CDH12: variants seen among roughly 807,000 people sequenced by gnomAD.
CDH12 encodes the protein cadherin-12.
CDH12 carries 41 observed loss-of-function variants against 74.1 expected under a neutral mutation model. The observed-to-expected ratio is 0.55, with a 90% CI of 0.43 to 0.72. The LOEUF is 0.72. Among genes scored for constraint, CDH12 ranks in the 30% least tolerant of loss-of-function variants. CDH12 has a pLI of 0.00. For synonymous variants in CDH12, 399 were observed against 355.0 expected (o/e 1.12, Z -1.39); for missense variants, 945 against 977.2 (o/e 0.97, Z 0.44).
chr5:22,735,341 CAGA>C (rs1256899074), intron 1 of CDH12, among the ~76,000 whole-genome samples: 1 of 151,786 alleles, frequency 6.6e-6, no homozygotes, highest in East Asian at 1.9e-4. Flanking sequence ...GGTTACCCTT[CAGA>C]AGGTCTTACT....
intron 1 of CDH12, among the ~76,000 whole-genome samples, chr5:22,783,291 G>A (rs1415839139): frequency 6.6e-6 from 1 of 151,242 alleles, no homozygotes; most frequent in African/African-American, 2.5e-5. Context: ...AAATACATGA[G>A]ACACACTATC....
intron 3 of CDH12, among the ~76,000 whole-genome samples, chr5:22,346,159 G>A (rs143125394): frequency 0.011 from 1,672 of 149,068 alleles, 34 homozygotes; most frequent in African/African-American, 0.039. Context: ...ATTTTCTTCT[G>A]AAACCAAGAT....
chr5:22,641,832 C>T (rs1367660222), intron 1 of CDH12, among the ~76,000 whole-genome samples: 2 of 152,144 alleles, frequency 1.3e-5, no homozygotes, highest in Non-Finnish European at 2.9e-5. Flanking sequence ...TCTCAGGCTT[C>T]TTTATTGCTA....
At chr5:22,220,190 T>A (rs1380864681) in intron 3 of CDH12, among the ~76,000 whole-genome samples, 1 of 151,772 alleles carries the variant, frequency 6.6e-6, no homozygotes, top group Non-Finnish European at 1.5e-5. Context: ...TTGACATTTG[T>A]AATACAATGG....
intron 3 of CDH12, among the ~76,000 whole-genome samples, chr5:22,253,876 T>C (rs1245415139): frequency 6.6e-6 from 1 of 151,996 alleles, no homozygotes; most frequent in Admixed American, 6.6e-5. Flanking sequence ...GAACAGATTG[T>C]TATTTTAAAG....
intron 3 of CDH12, among the ~76,000 whole-genome samples, chr5:22,339,791 C>A (rs1308323126): frequency 6.6e-6 from 1 of 152,064 alleles, no homozygotes; most frequent in Non-Finnish European, 1.5e-5. Context: ...TGGCCAGTAT[C>A]AGGACATTAA....
chr5:22,374,974 T>TA lies in CDH12; in HGVS notation c.-333+30282dup, dbSNP rs562608204. Among the ~76,000 whole-genome samples the TA allele has an allele frequency of 1.4e-4, 21 of 152,000 alleles. 1 individual carries two copies. The South Asian group carries it at 4.4e-3, about 32-fold the overall frequency. On this transcript the variant is annotated intron_variant, in intron 3 of 14. Coordinates refer to ENST00000382254, the MANE Select transcript of CDH12 (RefSeq NM_004061.5). The stretch of plus-strand genomic sequence containing the variant: ...AAAAATCCTAAAATTTGTATAAAAC[T>TA]ACAAAAGACACCAAATAGTCAAAGC...
At position 22,783,417 on chromosome 5, in the gene CDH12, G is replaced by A. The variant is rs903962977; in HGVS notation, c.-523+69641C>T. 3.3e-5 allele frequency among the ~76,000 whole-genome samples: 5 copies of A among 152,104 alleles called. No individual in the cohort carries two copies. The East Asian group carries it at 7.7e-4, about 24-fold the overall frequency. ...GGCTCACACTGGCTTTAATAAACCC[G>A]GTAGAAAATGGAGTTAGAATAGACT... is the stretch of plus-strand genomic sequence containing the variant. On this transcript the variant is annotated intron_variant, in intron 1 of 14. Coordinates refer to ENST00000382254, the MANE Select transcript of CDH12 (RefSeq NM_004061.5).
chr5:22,507,038 C>A (rs1350087977), intron 1 of CDH12, among the ~76,000 whole-genome samples: 1 of 152,040 alleles, frequency 6.6e-6, no homozygotes, highest in Non-Finnish European at 1.5e-5. Flanking sequence ...GTTTATGATG[C>A]CTGATTCTGA....
chr5:22,563,447 G>T (rs1203017972), intron 1 of CDH12, among the ~76,000 whole-genome samples: 2 of 151,980 alleles, frequency 1.3e-5, no homozygotes, highest in Non-Finnish European at 2.9e-5. Context: ...CTATTGAGTT[G>T]TTTGAGCTTC....
At chr5:22,646,509 C>T (rs1739439538) in intron 1 of CDH12, among the ~76,000 whole-genome samples, 1 of 151,834 alleles carries the variant, frequency 6.6e-6, no homozygotes, top group Non-Finnish European at 1.5e-5. Flanking sequence ...CTTTCTCCTT[C>T]CTGAAGGAGA....
At chr5:21,843,229 T>C (rs1749968776) in intron 7 of CDH12, among the ~76,000 whole-genome samples, 1 of 152,194 alleles carries the variant, frequency 6.6e-6, no homozygotes, top group Non-Finnish European at 1.5e-5. Context: ...CTGGCTTTAA[T>C]AGTGTTGTTT....
chr5:22,339,479 C>T (rs1158413603), intron 3 of CDH12, among the ~76,000 whole-genome samples: 1 of 152,054 alleles, frequency 6.6e-6, no homozygotes, highest in Admixed American at 6.6e-5. Flanking sequence ...CTATTTGTTT[C>T]ATTTTGTTTT....
chr5:22,608,536 C>A (rs147129019), intron 1 of CDH12, among the ~76,000 whole-genome samples: 1 of 152,098 alleles, frequency 6.6e-6, no homozygotes, highest in African/African-American at 2.4e-5. Context: ...GAAGTTAAGA[C>A]TTTAGGGGAC....
chr5:21,816,838 A>G, intron 9 of CDH12, 107 bp downstream of exon 9: 2 of 750,636 alleles, frequency 2.7e-6, no homozygotes, highest in Non-Finnish European at 4.1e-6. Flanking sequence ...GGTCAACTCT[A>G]TTGCTAATTG....
chr5:21,869,898 C>T (rs985066452), intron 6 of CDH12, among the ~76,000 whole-genome samples: 1 of 152,076 alleles, frequency 6.6e-6, no homozygotes, highest in Non-Finnish European at 1.5e-5. Context: ...GGCTCTGTGT[C>T]CCCACCCAAA....
chr5:21,886,651 T>C (rs1752649285), intron 6 of CDH12, among the ~76,000 whole-genome samples: 1 of 150,076 alleles, frequency 6.7e-6, no homozygotes, highest in Admixed American at 6.7e-5. Context: ...CTTCTTTTTT[T>C]CCATTAACAT....
intron 1 of CDH12, among the ~76,000 whole-genome samples, chr5:22,810,409 C>G (rs76276108): frequency 0.04 from 6,029 of 152,104 alleles, 387 homozygotes; most frequent in African/African-American, 0.14. Flanking sequence ...TTGTTCATTA[C>G]GTGTTTCTCA....
At chr5:21,826,945 C>T (rs1320324272) in intron 8 of CDH12, among the ~76,000 whole-genome samples, 1 of 151,996 alleles carries the variant, frequency 6.6e-6, no homozygotes, top group Non-Finnish European at 1.5e-5. Flanking sequence ...CCCTAATGTT[C>T]AGGGTCTGTT....
Sources: gnomAD v4.1 joint callset for allele counts (sites outside exome capture counted in the v4.1 genomes callset) on GRCh38, gnomAD v4.1.1 for gene constraint, MANE v1.5 for transcripts, NCBI Gene and HGNC (gene_info 2026-07-23, HGNC 2026-07-21) for gene names.